Variants in ANKRD13D observed in about 807,000 individuals in gnomAD.
The protein encoded by ANKRD13D is ankyrin repeat domain 13D.
A neutral mutation model predicts 68.8 loss-of-function variants in ANKRD13D; 24 were observed. That is an observed-to-expected ratio of 0.35 (90% CI 0.25 to 0.49). ANKRD13D has a LOEUF of 0.49. Among genes scored for constraint, ANKRD13D ranks in the 20% least tolerant of loss-of-function variants. The pLI, the probability that ANKRD13D is intolerant of heterozygous loss-of-function variation, is 0.99. For synonymous variants in ANKRD13D, 331 were observed against 336.1 expected, an observed-to-expected ratio of 0.98 and a Z score of 0.16; for missense variants, 735 against 832.1, an observed-to-expected ratio of 0.88 and a Z score of 1.44.
In ANKRD13D at chr11:67,299,482, G is replaced by C; in HGVS notation, c.799-48G>C. The C allele has an allele frequency of 6.8e-7, 1 of 1,474,252 alleles. No individual in the cohort carries two copies. Among genetic ancestry groups the C allele is most frequent in the South Asian group, 1.2e-5 (1 of 81,776 alleles). The allele number at this position is 1,474,252 out of a possible 1,614,324, so 91.3% of individuals were successfully genotyped here. A position where few individuals can be genotyped will look rare whatever the true frequency, so the allele number is the denominator to read the frequency against. Reference sequence around the variant, plus strand: ...GTTCTGCACTGGTGAGGCTGAGTGTGGGGAGCAGGCTCTGAGCCCCCAGCT... The same window carrying C: ...GTTCTGCACTGGTGAGGCTGAGTGTCGGGAGCAGGCTCTGAGCCCCCAGCT... On this transcript the variant is annotated intron_variant, in intron 7 of 14. Coordinates refer to ENST00000511455, the MANE Select transcript of ANKRD13D (RefSeq NM_207354.3). This position sits in a 1 kb window ranked among gnomAD's most constrained non-coding sequence, Gnocchi z 6.2.
At position 67,299,471 on chromosome 11, in the gene ANKRD13D, A is replaced by G; in HGVS notation, c.799-59A>G. On this transcript the variant is annotated intron_variant, in intron 7 of 14. Transcript: ENST00000511455. The surrounding 1 kb of genome is among the most constrained non-coding windows in gnomAD (Gnocchi z 6.2). ...GGAGGACCTGGGTTCTGCACTGGTG[A>G]GGCTGAGTGTGGGGAGCAGGCTCTG... 1 of 1,406,060 alleles carries G rather than the reference A, an allele frequency of 7.1e-7. No homozygotes were observed. The highest frequency in any genetic ancestry group is 9.8e-7 in the Non-Finnish European group (1 of 1,019,662). 87.1% of individuals were successfully genotyped at this position (1,406,060 alleles called of 1,614,324 possible). A position where few individuals can be genotyped will look rare whatever the true frequency, so the allele number is the denominator to read the frequency against.
chr11:67,295,741 GTAAA>G (rs1860735475), intron 6 of ANKRD13D, among the ~76,000 whole-genome samples: 1 of 152,124 alleles, frequency 6.6e-6, no homozygotes, highest in Admixed American at 6.6e-5. Flanking sequence ...ATCTAAAACA[GTAAA>G]TAAATAAATA....
chr11:67,295,160 G>T (rs1266618272), intron 6 of ANKRD13D, among the ~76,000 whole-genome samples: 1 of 152,200 alleles, frequency 6.6e-6, no homozygotes, highest in Non-Finnish European at 1.5e-5. Context: ...GCTCACGCCT[G>T]TAATCCCAGC....
intron 6 of ANKRD13D, among the ~76,000 whole-genome samples, chr11:67,296,970 T>C (rs887127464): frequency 3.2e-4 from 48 of 152,236 alleles, no homozygotes; most frequent in Non-Finnish European, 2.6e-4. Flanking sequence ...TAGCTAAAGG[T>C]TTGTCAATTT....
At position 67,301,204 on chromosome 11, in the gene ANKRD13D, G is replaced by C. The variant is rs763067713; in HGVS notation, c.1231+57G>C. The C allele has an allele frequency of 6.4e-5, 103 of 1,600,670 alleles. No homozygotes were observed. Among genetic ancestry groups the C allele is most frequent in the Middle Eastern group, 1.7e-4 (1 of 6,040 alleles). On this transcript the variant is annotated intron_variant, in intron 11 of 14. Coordinates refer to ENST00000511455, the MANE Select transcript of ANKRD13D (RefSeq NM_207354.3). The surrounding 1 kb of genome is among the most constrained non-coding windows in gnomAD (Gnocchi z 4.5). ...CTCAGGCATGGCACCCTCCCTCAGCGCAGTCCCTGGAGAGCTGCAGGGGCC... is the reference window on the plus strand; with the variant it reads ...CTCAGGCATGGCACCCTCCCTCAGCCCAGTCCCTGGAGAGCTGCAGGGGCC...
intron 6 of ANKRD13D, among the ~76,000 whole-genome samples, chr11:67,295,322 C>G (rs539410597): frequency 4.6e-5 from 7 of 152,092 alleles, no homozygotes; most frequent in African/African-American, 1.4e-4. Context: ...GAGGCTGAGG[C>G]AGGAGAATGG....
Position 67,299,253 on chromosome 11 carries a change from C to A in ANKRD13D, c.798+129C>A. ...TGAGCATTTGTGGGAACTCAGCGGG[C>A]CTGAGTGCCCAGCCCCTGCGGAGTA... is the stretch of plus-strand genomic sequence containing the variant. On this transcript the variant is annotated intron_variant, in intron 7 of 14. Coordinates refer to ENST00000511455, the MANE Select transcript of ANKRD13D (RefSeq NM_207354.3). The surrounding 1 kb of genome is among the most constrained non-coding windows in gnomAD (Gnocchi z 6.2). 8.8e-7 allele frequency: 1 copy of A among 1,142,416 alleles called. No individual in the cohort carries two copies. Among genetic ancestry groups the A allele is most frequent in the Non-Finnish European group, 1.3e-6 (1 of 779,166 alleles). 70.8% of individuals were successfully genotyped at this position (1,142,416 alleles called of 1,614,324 possible).
At chr11:67,290,254 C>CG (rs1387473641) in intron 2 of ANKRD13D, 41 bp downstream of exon 2, 18 of 1,544,160 alleles carry the variant, frequency 1.2e-5, no homozygotes, top group Non-Finnish European at 1.2e-5. Flanking sequence ...GGCTGGCAGG[C>CG]GGGGGGCAGT....
chr11:67,294,241 A>G (rs996472507), intron 6 of ANKRD13D, among the ~76,000 whole-genome samples: 1 of 151,826 alleles, frequency 6.6e-6, no homozygotes, highest in Non-Finnish European at 1.5e-5. Flanking sequence ...TATGAATTCT[A>G]TTTTCTTTTT....
chr11:67,301,755 C>A lies in ANKRD13D; in HGVS notation c.1536C>A (p.Thr512=). The part of the protein sequence containing the change: ...AEQVTVWEAL[T]NTRPGARPPP... ...AGGTGACCGTCTGGGAAGCCCTGAC[C>A]AACACCCGGCCCGGTGCCCGCCCTC... is the stretch of plus-strand genomic sequence containing the variant. The change falls in exon 14 of 15, where the codon ACC becomes ACA. Residue 512 remains threonine (T), a synonymous_variant. Transcript: ENST00000511455. This position sits in a 1 kb window ranked among gnomAD's most constrained non-coding sequence, Gnocchi z 4.5. 6.2e-7 allele frequency: 1 copy of A among 1,611,174 alleles called. No homozygotes were observed. Among genetic ancestry groups the A allele is most frequent in the Non-Finnish European group, 8.5e-7 (1 of 1,179,456 alleles).
chr11:67,289,663 C>T (rs1860450668), intron 1 of ANKRD13D, 113 bp downstream of exon 1: 4 of 1,136,134 alleles, frequency 3.5e-6, no homozygotes, highest in Non-Finnish European at 4.7e-6. Flanking sequence ...CAGCCACATC[C>T]TGGGCCTTCC....
At position 67,289,335 on chromosome 11, in the gene ANKRD13D, C is replaced by A. The variant is rs988911894; in HGVS notation, c.-126C>A. On this transcript the variant is annotated 5_prime_UTR_variant, in exon 1 of 15. Coordinates refer to ENST00000511455, the MANE Select transcript of ANKRD13D (RefSeq NM_207354.3). ...CTGCCGCCCGCGCTGCCGCCGCCGCCGCCGCCGCCGCTACTGCTGCGGGGG... is the reference window on the plus strand; with the variant it reads ...CTGCCGCCCGCGCTGCCGCCGCCGCAGCCGCCGCCGCTACTGCTGCGGGGG... 19 of 534,876 alleles carry A rather than the reference C, an allele frequency of 3.6e-5. No homozygotes were observed. Among genetic ancestry groups the A allele is most frequent in the Non-Finnish European group, 4.5e-5 (19 of 418,166 alleles). The allele number at this position is 534,876 out of a possible 1,614,324, so 33.1% of individuals were successfully genotyped here.
chr11:67,298,056 C>CTTTTTTTTTTTTTT (rs200939455), intron 6 of ANKRD13D: 1 of 130,000 alleles, frequency 7.7e-6, no homozygotes, highest in African/African-American at 3.8e-5. Flanking sequence ...TTGAGGTTTT[C>CTTTTTTTTTTTTTT]TTTTTTTTTT....
Position 67,302,266 on chromosome 11 carries a change from G to A in ANKRD13D, c.1752G>A (p.Glu584=). The change falls in exon 15 of 15, where the codon GAG becomes GAA. Residue 584 remains glutamate (E), a synonymous_variant. Transcript: ENST00000511455. ...CTTCACGGGAGCAGGAGGAGCGGGA[G>A]CGGCGCGGGCAGCAGGAGGAGGAGG... ...ELSSREQEER[E]RRGQQEEEDL... 1.3e-6 allele frequency: 2 copies of A among 1,569,672 alleles called. No individual in the cohort carries two copies. The highest frequency in any genetic ancestry group is 1.7e-6 in the Non-Finnish European group (2 of 1,156,842).
rs373153272 is a variant in ANKRD13D, at chr11:67,299,641, G to A, written c.880+30G>A. The A allele has an allele frequency of 1.0e-5, 16 of 1,549,056 alleles. No homozygotes were observed. The highest frequency in any genetic ancestry group is 4.1e-5 in the African/African-American group (3 of 73,016). On this transcript the variant is annotated intron_variant, in intron 8 of 14. Transcript: ENST00000511455. This position sits in a 1 kb window ranked among gnomAD's most constrained non-coding sequence, Gnocchi z 6.2. ...ACCCAGGTGCGCCTGCCTGCTGCCC[G>A]GTCACACCGTGTGGTGGGGTCACCC... is the stretch of plus-strand genomic sequence containing the variant.
In ANKRD13D at chr11:67,299,158, G is replaced by A. The variant is rs1860876073; in HGVS notation, c.798+34G>A. 1.3e-6 allele frequency: 2 copies of A among 1,577,428 alleles called. No individual in the cohort carries two copies. The highest frequency in any genetic ancestry group is 2.7e-5 in the African/African-American group (2 of 74,288). ...GGCTAGGGGTGGGGGGCTGGGGGTA[G>A]GAGATGAGGTCCAGGAACTCAGCTC... On this transcript the variant is annotated intron_variant, in intron 7 of 14. Coordinates refer to ENST00000511455, the MANE Select transcript of ANKRD13D (RefSeq NM_207354.3). This position sits in a 1 kb window ranked among gnomAD's most constrained non-coding sequence, Gnocchi z 6.2.
chr11:67,301,855 G>T lies in ANKRD13D; in HGVS notation c.1604+32G>T. On this transcript the variant is annotated intron_variant, in intron 14 of 14. Transcript: ENST00000511455. This position sits in a 1 kb window ranked among gnomAD's most constrained non-coding sequence, Gnocchi z 4.5. ...CCCTCATGGGGCTGGCTGGGTCCCT[G>T]TCCCCCCAGCCCTGGCTTGGCGGGG... 6.4e-7 allele frequency: 1 copy of T among 1,557,574 alleles called. No individual in the cohort carries two copies.
chr11:67,298,056 C>CTTTTTTTTTTTTTTTTTTTTTT (rs200939455), intron 6 of ANKRD13D: 1 of 130,000 alleles, frequency 7.7e-6, no homozygotes, highest in African/African-American at 3.8e-5. Context: ...TTGAGGTTTT[C>CTTTTTTTTTTTTTTTTTTTTTT]TTTTTTTTTT....
chr11:67,289,308 C>T lies in ANKRD13D; in HGVS notation c.-153C>T, dbSNP rs577457623. On this transcript the variant is annotated 5_prime_UTR_variant, in exon 1 of 15. Coordinates refer to ENST00000511455, the MANE Select transcript of ANKRD13D (RefSeq NM_207354.3). ...CCCGCTCCGCCGCCCGCCCCGCCCT[C>T]CCTGCCGCCCGCGCTGCCGCCGCCG... 10,205 of 254,780 alleles carry T rather than the reference C, an allele frequency of 0.04. 292 individuals carry two copies. The highest frequency in any genetic ancestry group is 0.054 in the Non-Finnish European group (8,824 of 164,650). The allele number at this position is 254,780 out of a possible 1,614,324, so 15.8% of individuals were successfully genotyped here. A position where few individuals can be genotyped will look rare whatever the true frequency, so the allele number is the denominator to read the frequency against.
Sources: gnomAD v4.1 joint callset for allele counts (sites outside exome capture counted in the v4.1 genomes callset) on GRCh38, gnomAD v4.1.1 for gene constraint, Gnocchi (gnomAD v3.1) non-coding constraint, MANE v1.5 for transcripts, NCBI Gene and HGNC (gene_info 2026-07-23, HGNC 2026-07-21) for gene names.